RIMBP2: variants seen among roughly 807,000 people sequenced by gnomAD.
The protein encoded by RIMBP2 is RIMS binding protein 2.
In RIMBP2, 48 loss-of-function variants were observed where a neutral mutation model predicts 118.6. That is an observed-to-expected ratio of 0.40 (90% CI 0.32 to 0.51). The LOEUF (loss-of-function observed/expected upper bound fraction) is 0.51. RIMBP2 is among the 20% of genes least tolerant of loss of function. RIMBP2 has a pLI of 0.41. For missense variants in RIMBP2, 1,551 were observed against 1,768.3 expected (o/e 0.88, Z 2.20); for synonymous variants, 762 against 742.9 (o/e 1.03, Z -0.42).
intron 2 of RIMBP2, among the ~76,000 whole-genome samples, chr12:130,535,867 C>T (rs2054034009): frequency 6.6e-6 from 1 of 151,488 alleles, no homozygotes; most frequent in Non-Finnish European, 1.5e-5. Flanking sequence ...CAGCCTCAAC[C>T]TCCTGGGCTC....
intron 15 of RIMBP2, chr12:130,426,446 AT>A (rs1315161603): frequency 1.3e-5 from 2 of 152,108 alleles, no homozygotes; most frequent in Admixed American, 1.3e-4. Context: ...CGCCCAGCTA[AT>A]TTTTGTATTT....
At chr12:130,598,852 T>C (rs758268554) in intron 2 of RIMBP2, among the ~76,000 whole-genome samples, 1 of 152,088 alleles carries the variant, frequency 6.6e-6, no homozygotes, top group Non-Finnish European at 1.5e-5. Context: ...ATCCCATAAA[T>C]AGACCCACAA....
chr12:130,489,336 C>T (rs2048409549), intron 4 of RIMBP2, among the ~76,000 whole-genome samples: 1 of 152,140 alleles, frequency 6.6e-6, no homozygotes, highest in Non-Finnish European at 1.5e-5. Context: ...TCACCCTGCA[C>T]CCCAGCCTAG....
At chr12:130,429,550 TTC>T (rs1381432458) in intron 14 of RIMBP2, 1 of 152,244 alleles carries the variant, frequency 6.6e-6, no homozygotes, top group Non-Finnish European at 1.5e-5. Context: ...CATAAAGATA[TTC>T]TGTTTTTGCT....
intron 1 of RIMBP2, among the ~76,000 whole-genome samples, chr12:130,661,011 G>A (rs749127698): frequency 2.0e-5 from 3 of 152,216 alleles, no homozygotes; most frequent in Non-Finnish European, 2.9e-5. Flanking sequence ...TTGAGCCCAG[G>A]AGTTCAAGAC....
rs1316670585 is a variant in RIMBP2, at chr12:130,427,598, CCAGAG to C, written c.2412+576_2412+580del. 3.9e-5 allele frequency: 6 copies of C among 152,426 alleles called. No homozygotes were observed. The East Asian group carries it at 1.2e-3, about 30-fold the overall frequency. 9.4% of individuals were successfully genotyped at this position (152,426 alleles called of 1,614,324 possible). ...GTCGACCCCTTGCTGATGGCCTCTG[CCAGAG>C]CAGAAGGGAGAGGGTCTAGCGGGAG... On this transcript the variant is annotated intron_variant, in intron 15 of 22. Coordinates refer to ENST00000690449, the MANE Select transcript of RIMBP2 (RefSeq NM_001393629.1).
chr12:130,696,459 T>A (rs1324017798), intron 1 of RIMBP2, among the ~76,000 whole-genome samples: 1 of 152,192 alleles, frequency 6.6e-6, no homozygotes, highest in Admixed American at 6.5e-5. Flanking sequence ...AATTTATAGA[T>A]CACCACCACA....
In RIMBP2 at chr12:130,399,650, G is replaced by A. The variant is rs549905790; in HGVS notation, c.3900+29C>T. On this transcript the variant is annotated intron_variant, in intron 22 of 22. Transcript: ENST00000690449. The stretch of plus-strand genomic sequence containing the variant: ...ACCACATATGGCAGAACGGGACAGA[G>A]ATTAAAAAGGCTAAATAGGTTTGCT... 42 of 1,612,938 alleles carry A rather than the reference G, an allele frequency of 2.6e-5. 1 individual carries two copies. The South Asian group carries it at 4.5e-4, about 17-fold the overall frequency.
intron 6 of RIMBP2, among the ~76,000 whole-genome samples, chr12:130,461,577 G>A (rs2137636493): frequency 6.6e-6 from 1 of 152,292 alleles, no homozygotes; most frequent in Non-Finnish European, 1.5e-5. Flanking sequence ...ATCTCATGTT[G>A]AAATGTGACC....
chr12:130,605,369 A>G (rs967357504), intron 2 of RIMBP2, among the ~76,000 whole-genome samples: 1 of 152,142 alleles, frequency 6.6e-6, no homozygotes, highest in Non-Finnish European at 1.5e-5. Flanking sequence ...TTCCAACTAA[A>G]AGAGACTAAA....
At chr12:130,504,053 G>C (rs1470412407) in intron 4 of RIMBP2, among the ~76,000 whole-genome samples, 2 of 152,290 alleles carry the variant, frequency 1.3e-5, no homozygotes, top group African/African-American at 2.4e-5. Flanking sequence ...GAGCAGGGGG[G>C]GGTGTCTAGT....
At chr12:130,556,473 G>A (rs2056366962) in intron 2 of RIMBP2, among the ~76,000 whole-genome samples, 1 of 152,240 alleles carries the variant, frequency 6.6e-6, no homozygotes, top group African/African-American at 2.4e-5. Context: ...CTGGGATTCT[G>A]AAAAGTTAGA....
At chr12:130,659,505 G>C (rs1031900850) in intron 1 of RIMBP2, among the ~76,000 whole-genome samples, 2 of 151,282 alleles carry the variant, frequency 1.3e-5, no homozygotes, top group Non-Finnish European at 2.9e-5. Flanking sequence ...GGAGGCGTAT[G>C]TTGCAGTGAG....
intron 1 of RIMBP2, among the ~76,000 whole-genome samples, chr12:130,645,416 G>A (rs1429391969): frequency 1.3e-5 from 2 of 152,224 alleles, no homozygotes; most frequent in African/African-American, 2.4e-5. Context: ...AGACATTGGA[G>A]TTACTCCCTC....
intron 2 of RIMBP2, among the ~76,000 whole-genome samples, chr12:130,590,590 C>T (rs954380091): frequency 6.6e-6 from 1 of 152,182 alleles, no homozygotes; most frequent in South Asian, 2.1e-4. Flanking sequence ...AGAAGGATGA[C>T]AGATGAGGTT....
chr12:130,421,859 T>C (rs950824966), intron 17 of RIMBP2, among the ~76,000 whole-genome samples: 8 of 152,308 alleles, frequency 5.3e-5, no homozygotes, highest in Non-Finnish European at 1.0e-4. Context: ...TTAGGATGAC[T>C]AAAACGATAG....
intron 1 of RIMBP2, among the ~76,000 whole-genome samples, chr12:130,643,278 C>T (rs913838409): frequency 6.6e-6 from 1 of 152,236 alleles, no homozygotes; most frequent in African/African-American, 2.4e-5. Context: ...CAGCAGCTCC[C>T]CACTCCCATT....
chr12:130,538,288 C>T (rs1471090238), intron 2 of RIMBP2, among the ~76,000 whole-genome samples: 5 of 144,180 alleles, frequency 3.5e-5, no homozygotes, highest in Admixed American at 2.0e-4. Flanking sequence ...AAAAGCTCTT[C>T]ACAGTGGAAA....
chr12:130,661,187 T>G (rs1594162717), intron 1 of RIMBP2, among the ~76,000 whole-genome samples: 2 of 152,322 alleles, frequency 1.3e-5, no homozygotes, highest in South Asian at 4.1e-4. Flanking sequence ...ACACCTAGCT[T>G]TCCTTGTGGA....
Sources: gnomAD v4.1 joint callset for allele counts (sites outside exome capture counted in the v4.1 genomes callset) on GRCh38, gnomAD v4.1.1 for gene constraint, MANE v1.5 for transcripts, NCBI Gene and HGNC (gene_info 2026-07-23, HGNC 2026-07-21) for gene names.